The following PALD1 variants were observed in gnomAD, a reference collection of about 807,000 sequenced individuals.
PALD1 encodes paladin.
PALD1 carries 57 observed loss-of-function variants against 96.0 expected under a neutral mutation model. That is an observed-to-expected ratio of 0.59 (90% CI 0.48 to 0.74). PALD1 has a LOEUF of 0.74. Ranked by LOEUF, PALD1 falls within the 30% of genes least tolerant of loss-of-function variation. The probability of loss-of-function intolerance (pLI) is 0.00; values close to 1 mark genes in which losing one functional copy is unlikely to be tolerated. For missense variants in PALD1, 1,063 were observed against 1,143.7 expected (o/e 0.93, Z 1.02); for synonymous variants, 464 against 473.6 (o/e 0.98, Z 0.26).
chr10:70,541,589 ACTCCTG>A, intron 17 of PALD1, 55 bp downstream of exon 17: 1 of 1,336,796 alleles, frequency 7.5e-7, no homozygotes, highest in Non-Finnish European at 1.1e-6. Flanking sequence ...GAGGAGGAGG[ACTCCTG>A]CTTGCCGGTC....
chr10:70,545,467 G>A (rs1847343465), intron 17 of PALD1, among the ~76,000 whole-genome samples: 1 of 152,062 alleles, frequency 6.6e-6, no homozygotes, highest in Non-Finnish European at 1.5e-5. Flanking sequence ...GTAGAGAGGT[G>A]CAGTGTAGAC....
chr10:70,463,140 C>A, the PALD1 span, among the ~76,000 whole-genome samples: 1 of 152,184 alleles, frequency 6.6e-6, no homozygotes, highest in South Asian at 2.1e-4. Context: ...CATGGTGGCT[C>A]ACGCCTGTAA....
chr10:70,541,152 A>G lies in PALD1; in HGVS notation c.1959A>G (p.Pro653=), dbSNP rs1237384463. ...TGCGGGCCGCCCTCTCCAAGGACCC[A>G]GGCACTGGCTTCGTGTTCAGCTGCC... The part of the protein sequence containing the change: ...EALRAALSKD[P]GTGFVFSCLS... The change falls in exon 16 of 20, where the codon CCA becomes CCG. Residue 653 remains proline, a synonymous_variant. Transcript: ENST00000263563. 6.2e-7 allele frequency: 1 copy of G among 1,613,914 alleles called. No homozygotes were observed. The highest frequency in any genetic ancestry group is 1.1e-5 in the South Asian group (1 of 91,048).
At chr10:70,529,554 T>C (rs1846950567) in intron 3 of PALD1, among the ~76,000 whole-genome samples, 1 of 151,970 alleles carries the variant, frequency 6.6e-6, no homozygotes, top group Admixed American at 6.5e-5. Context: ...GGGGAGCTCC[T>C]ACCCTAGAGC....
At chr10:70,500,981 A>G (rs564369718) in intron 1 of PALD1, among the ~76,000 whole-genome samples, 8 of 152,224 alleles carry the variant, frequency 5.3e-5, no homozygotes, top group East Asian at 3.9e-4. Flanking sequence ...CCTGGCTCCC[A>G]TGACCCCACA....
the PALD1 span, among the ~76,000 whole-genome samples, chr10:70,458,952 C>A: frequency 6.6e-6 from 1 of 152,244 alleles, no homozygotes; most frequent in African/African-American, 2.4e-5. Flanking sequence ...ATGGGCCCCG[C>A]ACACCATCAC....
At chr10:70,548,307 A>T (rs1237629472) in intron 18 of PALD1, among the ~76,000 whole-genome samples, 2 of 152,204 alleles carry the variant, frequency 1.3e-5, no homozygotes, top group African/African-American at 4.8e-5. Context: ...CTCAAAAAAA[A>T]AAAAGTTTCA....
intron 1 of PALD1, among the ~76,000 whole-genome samples, chr10:70,500,239 C>T (rs11818284): frequency 0.11 from 16,794 of 152,074 alleles, 1,026 homozygotes; most frequent in South Asian, 0.17. Flanking sequence ...AGCTTTGCAC[C>T]CCAGATGTCC....
chr10:70,475,501 T>C (rs1845812083), upstream of PALD1, among the ~76,000 whole-genome samples: 1 of 152,162 alleles, frequency 6.6e-6, no homozygotes. Flanking sequence ...GGCCAGCCCA[T>C]GTCCTGATGT....
At chr10:70,526,313 C>G (rs1482604852) in intron 2 of PALD1, among the ~76,000 whole-genome samples, 177 bp downstream of exon 2, 2 of 152,214 alleles carry the variant, frequency 1.3e-5, no homozygotes, top group African/African-American at 4.8e-5. Flanking sequence ...CTGCATGCAC[C>G]TGGCAGAGCT....
intron 9 of PALD1, 78 bp from the exon 10 acceptor site, chr10:70,534,661 T>G (rs1847071355): frequency 1.6e-6 from 2 of 1,233,066 alleles, no homozygotes; most frequent in Admixed American, 3.9e-5. Context: ...CTCTTTTCTC[T>G]TTTCTCCTGC....
the PALD1 span, among the ~76,000 whole-genome samples, chr10:70,465,320 C>T: frequency 6.6e-6 from 1 of 152,156 alleles, no homozygotes; most frequent in East Asian, 1.9e-4. Flanking sequence ...GAAAGGTCCC[C>T]TGGTTCTCTT....
intron 1 of PALD1, among the ~76,000 whole-genome samples, chr10:70,489,836 T>A (rs1846071793): frequency 6.6e-6 from 1 of 152,216 alleles, no homozygotes; most frequent in Non-Finnish European, 1.5e-5. Flanking sequence ...CCCGCTAGCA[T>A]GCTCTGTATC....
At chr10:70,537,342 G>A (rs1371543535) in intron 10 of PALD1, among the ~76,000 whole-genome samples, 4 of 152,200 alleles carry the variant, frequency 2.6e-5, no homozygotes, top group Admixed American at 6.5e-5. Context: ...GAGCTGAAGC[G>A]ATCTGGCTGT....
upstream of PALD1, among the ~76,000 whole-genome samples, chr10:70,475,450 A>T (rs138226427): frequency 1.3e-4 from 20 of 152,298 alleles, no homozygotes; most frequent in East Asian, 3.9e-3. Context: ...AAGGGTGCAC[A>T]TGATCCCTGT....
chr10:70,535,616 TCTC>T (rs1313477466), intron 10 of PALD1, among the ~76,000 whole-genome samples: 8 of 140,674 alleles, frequency 5.7e-5, no homozygotes, highest in East Asian at 2.1e-4. Flanking sequence ...TCTTCCTCCT[TCTC>T]CTCCTTCTTC....
chr10:70,458,866 T>C, the PALD1 span, among the ~76,000 whole-genome samples: 1 of 152,136 alleles, frequency 6.6e-6, no homozygotes, highest in Admixed American at 6.5e-5. Context: ...GCTTGGTAAA[T>C]TGTGGGGCGC....
the PALD1 span, among the ~76,000 whole-genome samples, chr10:70,470,875 C>T: frequency 1.3e-5 from 2 of 152,088 alleles, no homozygotes; most frequent in African/African-American, 4.8e-5. Flanking sequence ...GATCTCGGCT[C>T]ACCGCAACCT....
At chr10:70,461,668 C>T in the PALD1 span, among the ~76,000 whole-genome samples, 1 of 152,222 alleles carries the variant, frequency 6.6e-6, no homozygotes, top group African/African-American at 2.4e-5. Context: ...CCGGGGCCCC[C>T]ACTTGAGATC....
Sources: allele counts gnomAD v4.1 joint callset (sites outside exome capture counted in the v4.1 genomes callset), GRCh38; gene constraint gnomAD v4.1.1; transcripts MANE v1.5; gene names NCBI Gene and HGNC (gene_info 2026-07-23, HGNC 2026-07-21).